The following PCCA variants were observed in gnomAD, a reference collection of about 807,000 sequenced individuals.
PCCA encodes the protein propionyl-CoA carboxylase alpha chain, mitochondrial.
Under a neutral mutation model 101.3 loss-of-function variants are expected in PCCA, and 74 were observed. The observed-to-expected ratio is 0.73, with a 90% CI of 0.61 to 0.89. PCCA has a LOEUF of 0.89. Among genes scored for constraint, PCCA ranks in the 40% least tolerant of loss-of-function variants. The pLI is 0.00. For synonymous variants in PCCA, 294 were observed against 313.6 expected (o/e 0.94, Z 0.66); for missense variants, 891 against 907.0 (o/e 0.98, Z 0.23).
chr13:100,516,348 A>T (rs60079384), intron 22 of PCCA, among the ~76,000 whole-genome samples: 40,816 of 152,150 alleles, frequency 0.27, 6,039 homozygotes, highest in Middle Eastern at 0.39. Flanking sequence ...ATCTCAGGTC[A>T]CTGGGACTTA....
intron 4 of PCCA, among the ~76,000 whole-genome samples, chr13:100,142,942 C>T (rs1431320567): frequency 3.9e-5 from 6 of 152,128 alleles, no homozygotes; most frequent in East Asian, 1.9e-4. Flanking sequence ...GGTCATTCTT[C>T]GACTAGTAGG....
chr13:100,157,371 T>A, intron 6 of PCCA, 31 bp downstream of exon 6: 1 of 1,515,088 alleles, frequency 6.6e-7, no homozygotes, highest in Non-Finnish European at 9.2e-7. Context: ...AAACTGTTCA[T>A]TTCTTTTTCA....
At position 100,157,727 on chromosome 13, in the gene PCCA, A is replaced by G. The variant is rs149564080; in HGVS notation, c.468+387A>G. ...TTACCAATGCCTCTATTTTGGGTGA[A>G]GTTGTTTTTAATGATCTAAATGTCC... On this transcript the variant is annotated intron_variant, in intron 6 of 23. Coordinates refer to ENST00000376285, the MANE Select transcript of PCCA (RefSeq NM_000282.4). Among the ~76,000 whole-genome samples the G allele has an allele frequency of 3.4e-3, 523 of 152,238 alleles. 5 individuals are homozygous for G. Among genetic ancestry groups the G allele is most frequent in the African/African-American group, 0.012 (508 of 41,546 alleles).
intron 21 of PCCA, among the ~76,000 whole-genome samples, chr13:100,508,790 A>G (rs1363660229): frequency 1.3e-5 from 2 of 151,580 alleles, no homozygotes; most frequent in Non-Finnish European, 2.9e-5. Context: ...TCTCCTTTCT[A>G]TTTGTGTTGC....
chr13:100,348,780 C>CTT (rs1476698618), intron 18 of PCCA, among the ~76,000 whole-genome samples: 4 of 61,516 alleles, frequency 6.5e-5, no homozygotes, highest in African/African-American at 2.6e-4. Context: ...TTCTTTCTTT[C>CTT]TTTCTTTCTT....
chr13:100,287,824 T>TA (rs1555406825), intron 12 of PCCA, among the ~76,000 whole-genome samples: 14 of 151,940 alleles, frequency 9.2e-5, no homozygotes, highest in East Asian at 7.7e-4. Context: ...GGGGTTTTTT[T>TA]AATCAAGAAT....
chr13:100,312,130 A>G (rs116588241), intron 16 of PCCA, among the ~76,000 whole-genome samples: 2,137 of 152,314 alleles, frequency 0.014, 48 homozygotes, highest in African/African-American at 0.049. Context: ...GGATGAATGA[A>G]TGAGTGAGCA....
intron 6 of PCCA, among the ~76,000 whole-genome samples, chr13:100,194,460 C>G (rs2057961571): frequency 6.6e-6 from 1 of 152,152 alleles, no homozygotes; most frequent in African/African-American, 2.4e-5. Context: ...CTCTGTCGCC[C>G]AGGCTGGAGT....
chr13:100,235,290 AAAG>A (rs1171455959), intron 7 of PCCA, among the ~76,000 whole-genome samples: 2 of 151,620 alleles, frequency 1.3e-5, no homozygotes, highest in African/African-American at 4.8e-5. Flanking sequence ...AAAAAAAAAA[AAAG>A]AAAGAAACAA....
intron 12 of PCCA, among the ~76,000 whole-genome samples, chr13:100,278,685 G>T (rs912385013): frequency 6.6e-6 from 1 of 152,094 alleles, no homozygotes; most frequent in African/African-American, 2.4e-5. Flanking sequence ...TCACCACGTT[G>T]ACCAGGATGG....
intron 9 of PCCA, 128 bp downstream of exon 9, chr13:100,257,801 T>C (rs2062175486): frequency 1.4e-6 from 1 of 708,616 alleles, no homozygotes; most frequent in East Asian, 2.7e-5. Context: ...TTTACACTTT[T>C]GAATGGGAAA....
chr13:100,173,416 G>A (rs141737503), intron 6 of PCCA, among the ~76,000 whole-genome samples: 138 of 152,272 alleles, frequency 9.1e-4, no homozygotes, highest in South Asian at 1.7e-3. Context: ...CAGGGATGAC[G>A]AGCTGCAGAC....
intron 23 of PCCA, among the ~76,000 whole-genome samples, chr13:100,529,397 G>A (rs772441602): frequency 3.9e-5 from 6 of 152,174 alleles, no homozygotes; most frequent in Admixed American, 3.9e-4. Flanking sequence ...CCAAGCAAGA[G>A]CCTCCAAGAA....
chr13:100,170,219 T>C (rs1414831710), intron 6 of PCCA, among the ~76,000 whole-genome samples: 2 of 152,258 alleles, frequency 1.3e-5, no homozygotes, highest in South Asian at 4.1e-4. Flanking sequence ...ATTGATTTAT[T>C]TGTATGTGAC....
At chr13:100,227,132 C>A (rs781202329) in intron 7 of PCCA, among the ~76,000 whole-genome samples, 23 of 152,052 alleles carry the variant, frequency 1.5e-4, no homozygotes, top group African/African-American at 5.6e-4. Context: ...CCACCACGCC[C>A]GGCTAATTTT....
At chr13:100,444,716 C>G (rs774365584) in intron 20 of PCCA, among the ~76,000 whole-genome samples, 1 of 152,008 alleles carries the variant, frequency 6.6e-6, no homozygotes, top group African/African-American at 2.4e-5. Context: ...GCTGGGATTA[C>G]AGGCGTGAGC....
At chr13:100,354,819 C>CT (rs2152787398) in intron 18 of PCCA, among the ~76,000 whole-genome samples, 1 of 152,248 alleles carries the variant, frequency 6.6e-6, no homozygotes, top group East Asian at 1.9e-4. Flanking sequence ...TCCGAATAGA[C>CT]TTATCATAAG....
intron 20 of PCCA, among the ~76,000 whole-genome samples, chr13:100,447,587 A>C (rs2080927253): frequency 6.8e-6 from 1 of 147,574 alleles, no homozygotes; most frequent in Non-Finnish European, 1.5e-5. Flanking sequence ...CAGGAGAAAC[A>C]CTTGAACCTG....
intron 12 of PCCA, among the ~76,000 whole-genome samples, chr13:100,295,096 C>G (rs571988520): frequency 7.7e-4 from 117 of 152,216 alleles, no homozygotes; most frequent in Non-Finnish European, 1.1e-3. Context: ...GGATCAAAAT[C>G]TAATAACCTT....
Sources: gnomAD v4.1 joint callset for allele counts (sites outside exome capture counted in the v4.1 genomes callset) on GRCh38, gnomAD v4.1.1 for gene constraint, MANE v1.5 for transcripts, NCBI Gene and HGNC (gene_info 2026-07-23, HGNC 2026-07-21) for gene names.